The following ARHGAP23 variants were observed in gnomAD, a reference collection of about 807,000 sequenced individuals.
ARHGAP23 encodes Rho GTPase activating protein 23.
A neutral mutation model predicts 136.3 loss-of-function variants in ARHGAP23; 34 were observed. That is an observed-to-expected ratio of 0.25 (90% confidence interval 0.19 to 0.33). The LOEUF (loss-of-function observed/expected upper bound fraction) is 0.33, where lower values mean the gene tolerates loss of function less well. Among genes scored for constraint, ARHGAP23 ranks in the 10% least tolerant of loss-of-function variants. ARHGAP23 has a pLI of 1.00. For synonymous variants in ARHGAP23, 832 were observed against 920.5 expected (o/e 0.90, Z 1.74); for missense variants, 1,808 against 2,139.0 (o/e 0.85, Z 3.05).
At chr17:38,480,941 T>C (rs1000131812) in intron 14 of ARHGAP23, among the ~76,000 whole-genome samples, 15 of 151,924 alleles carry the variant, frequency 9.9e-5, no homozygotes, top group Non-Finnish European at 1.9e-4. Context: ...GAGACCAGCC[T>C]GGGTAACATA....
At position 38,466,833 on chromosome 17, in the gene ARHGAP23, C is replaced by A. The variant is rs914234407; in HGVS notation, c.1150C>A (p.Arg384Ser). ...TGAGCGGTGTGGCTGGGCTTCCCAG[C>A]GTTCGTCTGCCCGCACCCCCGCCTG... Reference protein sequence around the residue: ...RFERCGWASQRSSARTPACPT... With the variant: ...RFERCGWASQSSSARTPACPT... The change falls in exon 7 of 24, where the codon CGT becomes AGT. Residue 384 changes from arginine to serine, a missense_variant. Physicochemically the swap from Arg to Ser is moderately radical, Grantham distance 110 (BLOSUM62 -1). This residue lies in a region of ARHGAP23 where 859 missense variants were observed against 936.4 expected (regional missense o/e 0.92). Transcript: ENST00000622683. 54 of 1,548,488 alleles carry A rather than the reference C, an allele frequency of 3.5e-5. No homozygotes were observed. Among genetic ancestry groups the A allele is most frequent in the Non-Finnish European group, 4.5e-5 (52 of 1,146,546 alleles).
At chr17:38,508,581 G>T (rs1246611683) in intron 23 of ARHGAP23, among the ~76,000 whole-genome samples, 2 of 152,202 alleles carry the variant, frequency 1.3e-5, no homozygotes, top group African/African-American at 4.8e-5. Context: ...CTGGAGGAGA[G>T]ACCCGGGCTG....
At chr17:38,455,187 T>C (rs960344672) in intron 1 of ARHGAP23, among the ~76,000 whole-genome samples, 8 of 152,184 alleles carry the variant, frequency 5.3e-5, no homozygotes, top group African/African-American at 9.7e-5. Flanking sequence ...AGAGGAAACA[T>C]GCATGTATTA....
chr17:38,452,293 C>G (rs1013132948), intron 1 of ARHGAP23: 9 of 152,158 alleles, frequency 5.9e-5, no homozygotes, highest in South Asian at 2.1e-4. Context: ...CATCTCCCCC[C>G]CAACCCCCTT....
At chr17:38,438,321 C>CCA (rs2038849359) in intron 1 of ARHGAP23, among the ~76,000 whole-genome samples, 1 of 115,956 alleles carries the variant, frequency 8.6e-6, no homozygotes, top group African/African-American at 3.4e-5. Flanking sequence ...GACTCCGTCT[C>CCA]AAAAAAAAAA....
chr17:38,465,524 G>A (rs985247966), intron 6 of ARHGAP23, among the ~76,000 whole-genome samples: 9 of 152,352 alleles, frequency 5.9e-5, no homozygotes, highest in Admixed American at 4.6e-4. Flanking sequence ...CTGGGCGCTG[G>A]CCCTGTCACT....
intron 17 of ARHGAP23, among the ~76,000 whole-genome samples, chr17:38,486,490 C>T (rs2040163309): frequency 6.6e-6 from 1 of 151,272 alleles, no homozygotes; most frequent in Non-Finnish European, 1.5e-5. Context: ...CTGCCTGCCC[C>T]AGCCTCACAA....
At chr17:38,493,258 A>G (rs974489275) in intron 20 of ARHGAP23, among the ~76,000 whole-genome samples, 15 of 147,062 alleles carry the variant, frequency 1.0e-4, no homozygotes, top group African/African-American at 3.6e-4. Flanking sequence ...ACTGGAGTGC[A>G]GTGGGCAGAT....
intron 1 of ARHGAP23, among the ~76,000 whole-genome samples, chr17:38,440,955 G>T (rs2038906713): frequency 6.6e-6 from 1 of 152,224 alleles, no homozygotes; most frequent in Non-Finnish European, 1.5e-5. Context: ...GCCTCCAGAG[G>T]CTGCACAGCG....
In ARHGAP23 at chr17:38,510,017, G is replaced by A. The variant is rs867541807; in HGVS notation, c.3521G>A (p.Arg1174His). The A allele has an allele frequency of 1.6e-6, 2 of 1,248,606 alleles. No homozygotes were observed. The highest frequency in any genetic ancestry group is 7.6e-5 in the South Asian group (2 of 26,196). The allele number at this position is 1,248,606 out of a possible 1,614,324, so 77.3% of individuals were successfully genotyped here. A position where few individuals can be genotyped will look rare whatever the true frequency, so the allele number is the denominator to read the frequency against. Residue 1174 changes from arginine to histidine, a missense_variant, in exon 24 of 24, where the codon CGC becomes CAC. Around this residue, in one of 7 missense-constraint regions of ARHGAP23, gnomAD observed 104 missense variants for 131.8 expected, o/e 0.79. Transcript: ENST00000622683. The surrounding 1 kb of genome is among the most constrained non-coding windows in gnomAD (Gnocchi z 4.6). The part of the protein sequence containing the change: ...LAISFISAVN[R>H]KRKKRREARG... Reference sequence around the variant, plus strand: ...ATCTCCTTCATCTCGGCCGTCAACCGCAAGCGCAAGAAGCGGCGGGAGGCG... The same window carrying A: ...ATCTCCTTCATCTCGGCCGTCAACCACAAGCGCAAGAAGCGGCGGGAGGCG...
intron 14 of ARHGAP23, among the ~76,000 whole-genome samples, chr17:38,481,240 G>A (rs1468678106): frequency 6.6e-6 from 1 of 151,708 alleles, no homozygotes; most frequent in Admixed American, 6.6e-5. Context: ...TCCGCCTCCT[G>A]GGTTCACGCC....
chr17:38,441,885 G>C (rs1751797786), intron 1 of ARHGAP23, among the ~76,000 whole-genome samples: 1 of 152,140 alleles, frequency 6.6e-6, no homozygotes, highest in African/African-American at 2.4e-5. Context: ...CTGGAGTGTG[G>C]CCAGCTGGGG....
At chr17:38,430,009 C>T (rs574057331) in intron 1 of ARHGAP23, among the ~76,000 whole-genome samples, 153 of 152,284 alleles carry the variant, frequency 1.0e-3, no homozygotes, top group African/African-American at 3.6e-3. Context: ...CCGGCCCCAG[C>T]GGCTTCTTCC....
At chr17:38,498,945 G>A in intron 22 of ARHGAP23, 2 of 699,294 alleles carry the variant, frequency 2.9e-6, no homozygotes, top group Non-Finnish European at 5.2e-6. Flanking sequence ...ACCTGTTGGA[G>A]ATTTAAAGGG....
chr17:38,459,070 C>G (rs902673851), intron 2 of ARHGAP23, among the ~76,000 whole-genome samples: 3 of 152,172 alleles, frequency 2.0e-5, no homozygotes, highest in Admixed American at 6.5e-5. Flanking sequence ...GCAACCAAAG[C>G]CCCCGACTAG....
Position 38,477,965 on chromosome 17 carries a change from G to C in ARHGAP23, c.2436+69G>C. The C allele has an allele frequency of 6.7e-7, 1 of 1,501,906 alleles. No homozygotes were observed. The highest frequency in any genetic ancestry group is 1.2e-5 in the South Asian group (1 of 82,920). 93.0% of individuals were successfully genotyped at this position (1,501,906 alleles called of 1,614,324 possible). A position where few individuals can be genotyped will look rare whatever the true frequency, so the allele number is the denominator to read the frequency against. ...TGGCCTCTCACCGGCTGTGGACCTGGGATGCCCGCTCTGAGCCTCACTTCC... is the reference window on the plus strand; with the variant it reads ...TGGCCTCTCACCGGCTGTGGACCTGCGATGCCCGCTCTGAGCCTCACTTCC... On this transcript the variant is annotated intron_variant, in intron 12 of 23. Transcript: ENST00000622683. The surrounding 1 kb of genome is among the most constrained non-coding windows in gnomAD (Gnocchi z 6.6).
chr17:38,461,008 A>AGACT, intron 3 of ARHGAP23, 76 bp downstream of exon 3: 1 of 1,510,862 alleles, frequency 6.6e-7, no homozygotes, highest in Non-Finnish European at 8.8e-7. Flanking sequence ...TCCTCCCCTA[A>AGACT]GACTGCCTGT....
At chr17:38,494,393 G>T (rs541038403) in intron 20 of ARHGAP23, among the ~76,000 whole-genome samples, 3 of 152,138 alleles carry the variant, frequency 2.0e-5, no homozygotes, top group Non-Finnish European at 2.9e-5. Context: ...ACAGATCCCC[G>T]TGCTGGGAAC....
chr17:38,500,657 GA>G, intron 23 of ARHGAP23, 29 bp downstream of exon 23: 1 of 1,544,810 alleles, frequency 6.5e-7, no homozygotes, highest in Non-Finnish European at 8.8e-7. Context: ...CTGAAGGCTT[GA>G]TCCCTGTACA....
Sources: allele counts gnomAD v4.1 joint callset (sites outside exome capture counted in the v4.1 genomes callset), GRCh38; gene constraint gnomAD v4.1.1; regional missense constraint gnomAD v4.1.1; non-coding constraint Gnocchi (gnomAD v3.1); transcripts MANE v1.5; gene names NCBI Gene and HGNC (gene_info 2026-07-23, HGNC 2026-07-21).